The following FARS2 variants were observed in gnomAD, a reference collection of about 807,000 sequenced individuals.
FARS2 encodes the protein phenylalanyl-tRNA synthetase 2, mitochondrial.
FARS2 carries 40 observed loss-of-function variants against 46.4 expected under a neutral mutation model. The observed-to-expected ratio is 0.86, with a 90% CI of 0.67 to 1.12. The LOEUF is 1.12. Among genes scored for constraint, FARS2 ranks in the 50% most tolerant of loss-of-function variants. FARS2 has a pLI of 0.00. For synonymous variants in FARS2, 234 were observed against 214.9 expected (o/e 1.09, Z -0.78); for missense variants, 513 against 567.9 (o/e 0.90, Z 0.98).
chr6:5,723,813 T>G lies in FARS2; in HGVS notation c.1218-47478T>G, dbSNP rs192805309. Among the ~76,000 whole-genome samples, 453 of 152,378 alleles carry G rather than the reference T, an allele frequency of 3.0e-3. 2 individuals carry two copies. Among genetic ancestry groups the G allele is most frequent in the African/African-American group, 0.011 (437 of 41,600 alleles). On this transcript the variant is annotated intron_variant, in intron 6 of 6. Transcript: ENST00000274680. ...AAACAAAATGAAATTGGGAGGCTCC[T>G]TGCTTTCTTCCTGAAAAGAGGCTTC...
chr6:5,500,933 CGAGAGAGAGAGAGAGAGA>C (rs58128430), intron 4 of FARS2, among the ~76,000 whole-genome samples: 11 of 143,656 alleles, frequency 7.7e-5, no homozygotes, highest in South Asian at 2.4e-4. Flanking sequence ...TTCAAATCCC[CGAGAGAGAGAGAGAGAGA>C]GAGAGAGAGA....
At chr6:5,540,418 T>A (rs572800816) in intron 4 of FARS2, among the ~76,000 whole-genome samples, 85 of 152,384 alleles carry the variant, frequency 5.6e-4, no homozygotes, top group Non-Finnish European at 1.1e-3. Context: ...TAGTGCTTTT[T>A]TTCTTCTTCC....
chr6:5,706,198 T>G (rs539446291), intron 6 of FARS2, among the ~76,000 whole-genome samples: 4 of 152,308 alleles, frequency 2.6e-5, no homozygotes, highest in African/African-American at 9.6e-5. Flanking sequence ...AATCTAATAC[T>G]GCCGCTGATG....
chr6:5,394,034 G>A (rs1760743795), intron 2 of FARS2, among the ~76,000 whole-genome samples: 3 of 152,200 alleles, frequency 2.0e-5, no homozygotes, highest in Admixed American at 1.3e-4. Flanking sequence ...CTTGGCTTGA[G>A]TAGAAATTTG....
chr6:5,301,765 G>A (rs141276772), intron 1 of FARS2, among the ~76,000 whole-genome samples: 68 of 150,528 alleles, frequency 4.5e-4, no homozygotes, highest in African/African-American at 1.5e-3. Flanking sequence ...AGTCCAGCCT[G>A]CTGGGTGACA....
intron 4 of FARS2, among the ~76,000 whole-genome samples, chr6:5,524,927 C>G (rs1165229636): frequency 6.6e-6 from 1 of 152,156 alleles, no homozygotes; most frequent in Non-Finnish European, 1.5e-5. Context: ...GGAAAGCAAA[C>G]CCTGGTGACT....
chr6:5,369,004 A>G lies in FARS2; in HGVS notation c.434A>G (p.Tyr145Cys). 6 of 1,613,982 alleles carry G rather than the reference A, an allele frequency of 3.7e-6. No homozygotes were observed. The highest frequency in any genetic ancestry group is 5.1e-6 in the Non-Finnish European group (6 of 1,179,952). ...AGCAGGAAGAAGGGGGACAACTATT[A>G]CCTGAATCGGACTCACATGCTGAGA... is the stretch of plus-strand genomic sequence containing the variant. The part of the protein sequence containing the change: ...HPSRKKGDNY[Y>C]LNRTHMLRAH... The change falls in exon 2 of 7, where the codon TAC becomes TGC. Residue 145 changes from tyrosine to cysteine, a missense_variant. Transcript: ENST00000274680.
intron 5 of FARS2, among the ~76,000 whole-genome samples, chr6:5,595,605 A>T (rs1267632414): frequency 5.9e-5 from 9 of 152,246 alleles, no homozygotes; most frequent in Non-Finnish European, 1.2e-4. Flanking sequence ...ACCAAGTGAC[A>T]CAAACAGAAA....
At chr6:5,732,299 ACT>A (rs2150938552) in intron 6 of FARS2, among the ~76,000 whole-genome samples, 1 of 152,004 alleles carries the variant, frequency 6.6e-6, no homozygotes, top group African/African-American at 2.4e-5. Context: ...GGCGGTGCAC[ACT>A]CTAGCCCTCC....
chr6:5,622,419 G>C lies in FARS2; in HGVS notation c.1217+9099G>C, dbSNP rs554812018. On this transcript the variant is annotated intron_variant, in intron 6 of 6. Coordinates refer to ENST00000274680, the MANE Select transcript of FARS2 (RefSeq NM_006567.5). The stretch of plus-strand genomic sequence containing the variant: ...TCCTTAGAGGCCTGTGGCATAGTAA[G>C]TGCTATGGTTTGAATGTTTGTGTTC... 5.0e-4 allele frequency among the ~76,000 whole-genome samples: 76 copies of C among 152,352 alleles called. 2 individuals carry two copies. In the South Asian group the frequency reaches 0.015, roughly 31 times the overall value.
intron 4 of FARS2, 131 bp downstream of exon 4, chr6:5,431,303 A>T (rs1763153281): frequency 1.0e-5 from 9 of 892,664 alleles, no homozygotes; most frequent in Non-Finnish European, 1.6e-5. Flanking sequence ...CTCTCTTCAG[A>T]TTCCCCTCTA....
chr6:5,581,893 A>C (rs111968873), intron 5 of FARS2, among the ~76,000 whole-genome samples: 240 of 142,518 alleles, frequency 1.7e-3, no homozygotes, highest in Middle Eastern at 7.7e-3. Flanking sequence ...TAACATACTT[A>C]CGGTTAATTC....
chr6:5,709,029 G>A (rs1332283772), intron 6 of FARS2, among the ~76,000 whole-genome samples: 1 of 152,190 alleles, frequency 6.6e-6, no homozygotes, highest in African/African-American at 2.4e-5. Context: ...CCCTTGTCGT[G>A]AACAACAGTA....
intron 4 of FARS2, among the ~76,000 whole-genome samples, chr6:5,479,958 A>G (rs900319980): frequency 1.3e-5 from 2 of 152,236 alleles, no homozygotes; most frequent in Non-Finnish European, 2.9e-5. Flanking sequence ...TTAGGGACCT[A>G]CGGCCCCCTT....
intron 3 of FARS2, among the ~76,000 whole-genome samples, chr6:5,418,578 T>G (rs1286492307): frequency 6.6e-6 from 1 of 152,188 alleles, no homozygotes; most frequent in East Asian, 1.9e-4. Context: ...TTTTGTGTGG[T>G]TTGTTCCCTG....
At chr6:5,489,305 A>G (rs999456181) in intron 4 of FARS2, among the ~76,000 whole-genome samples, 3 of 152,082 alleles carry the variant, frequency 2.0e-5, no homozygotes, top group African/African-American at 2.4e-5. Flanking sequence ...AGTACAAAAA[A>G]TAGCCAGGCG....
chr6:5,490,129 A>G (rs1163350072), intron 4 of FARS2, among the ~76,000 whole-genome samples: 2 of 152,160 alleles, frequency 1.3e-5, no homozygotes, highest in African/African-American at 4.8e-5. Flanking sequence ...CTAGAATGTC[A>G]TATATATGGA....
upstream of FARS2, chr6:5,260,968 G>A (rs1247765473): frequency 1.5e-5 from 19 of 1,236,062 alleles, 1 homozygote; most frequent in Non-Finnish European, 1.8e-5. Flanking sequence ...CTAAGGGGGC[G>A]GTGCTGGGAG....
chr6:5,621,883 T>C (rs897091333), intron 6 of FARS2, among the ~76,000 whole-genome samples: 6 of 152,264 alleles, frequency 3.9e-5, no homozygotes, highest in East Asian at 1.9e-4. Context: ...CCTCTGGCTC[T>C]GTTTCTGTCC....
Sources: allele counts gnomAD v4.1 joint callset (sites outside exome capture counted in the v4.1 genomes callset), GRCh38; gene constraint gnomAD v4.1.1; transcripts MANE v1.5; gene names NCBI Gene and HGNC (gene_info 2026-07-23, HGNC 2026-07-21).